Variants in LTA observed in about 807,000 individuals in gnomAD.
LTA encodes the protein lymphotoxin alpha.
A neutral mutation model predicts 15.1 loss-of-function variants in LTA; 6 were observed. The observed-to-expected ratio is 0.40, with a 90% CI of 0.22 to 0.78. The LOEUF (loss-of-function observed/expected upper bound fraction) is 0.78, where lower values mean the gene tolerates loss of function less well. LTA is among the 30% of genes least tolerant of loss of function. The pLI is 0.38. For missense variants in LTA, 173 were observed against 249.5 expected, an observed-to-expected ratio of 0.69 and a Z score of 2.06; for synonymous variants, 87 against 107.3, an observed-to-expected ratio of 0.81 and a Z score of 1.17.
In LTA at chr6:31,573,545, C is replaced by G. The variant is rs758289216; in HGVS notation, c.470C>G (p.Pro157Arg). ...CTCAGCTCCCAGAAGATGGTGTATC[C>G]AGGGCTGCAGGAACCCTGGCTGCAC... is the stretch of plus-strand genomic sequence containing the variant. The part of the protein sequence containing the change: ...PLLSSQKMVY[P>R]GLQEPWLHSM... The change falls in exon 4 of 4, where the codon CCA becomes CGA. Residue 157 changes from proline (P) to arginine (R), a missense_variant. By Grantham distance (103) the Pro-to-Arg change is moderately radical. Coordinates refer to ENST00000418386, the MANE Select transcript of LTA (RefSeq NM_000595.4). 6.2e-7 allele frequency: 1 copy of G among 1,614,086 alleles called. No homozygotes were observed. Among genetic ancestry groups the G allele is most frequent in the South Asian group, 1.1e-5 (1 of 91,082 alleles).
chr6:31,572,953 C>A lies in LTA; in HGVS notation c.125C>A (p.Pro42His). 6.2e-7 allele frequency: 1 copy of A among 1,612,800 alleles called. No homozygotes were observed. Residue 42 changes from proline to histidine, a missense_variant, in exon 3 of 4, where the codon CCT (proline) becomes CAT (histidine). Transcript: ENST00000418386. ...GGGCTCCCTGGTGTTGGCCTCACAC[C>A]TTCAGCTGCCCAGACTGCCCGTCAG... The part of the protein sequence containing the change: ...AQGLPGVGLT[P>H]SAAQTARQHP...
At chr6:31,568,230 C>T (rs542102716), upstream of LTA, among the ~76,000 whole-genome samples, 57 of 152,274 alleles carry the variant, frequency 3.7e-4, no homozygotes, top group African/African-American at 1.3e-3. The surrounding 1 kb of genome is among the most constrained non-coding windows in gnomAD (Gnocchi z 4.1). Context: ...CACGCAGATA[C>T]TCACTAAATG....
At position 31,573,041 on chromosome 6, in the gene LTA, T is replaced by C. The variant is rs1770940150; in HGVS notation, c.205+8T>C. ...CTGCTGCTCACCTCATTGGTAAACATCCACCTGACCTCCCAGACATGTCCC... is the reference window on the plus strand; with the variant it reads ...CTGCTGCTCACCTCATTGGTAAACACCCACCTGACCTCCCAGACATGTCCC... On this transcript the variant is annotated splice_region_variant and intron_variant, in intron 3 of 3. Coordinates refer to ENST00000418386, the MANE Select transcript of LTA (RefSeq NM_000595.4). 6.2e-7 allele frequency: 1 copy of C among 1,606,242 alleles called. No individual in the cohort carries two copies. The highest frequency in any genetic ancestry group is 1.7e-4 in the Middle Eastern group (1 of 6,048).
At position 31,573,825 on chromosome 6, in the gene LTA, T is replaced by TC; in HGVS notation, c.*133dup. ...TTCCAACAGCTCAAGTCTTCCCTGA[T>TC]CAAGTCACCGGAGCTTTCAAAGAAG... On this transcript the variant is annotated 3_prime_UTR_variant, in exon 4 of 4. Coordinates refer to ENST00000418386, the MANE Select transcript of LTA (RefSeq NM_000595.4). 9.3e-7 allele frequency: 1 copy of TC among 1,071,558 alleles called. No homozygotes were observed. The allele number at this position is 1,071,558 out of a possible 1,614,324, so 66.4% of individuals were successfully genotyped here.
In LTA at chr6:31,572,994, C is replaced by T; in HGVS notation, c.166C>T (p.Leu56Phe). 1 of 1,612,834 alleles carries T rather than the reference C, an allele frequency of 6.2e-7. No homozygotes were observed. The highest frequency in any genetic ancestry group is 1.1e-5 in the South Asian group (1 of 91,074). Reference protein sequence around the residue: ...QTARQHPKMHLAHSTLKPAAH... With the variant: ...QTARQHPKMHFAHSTLKPAAH... Reference sequence around the variant, plus strand: ...TGCCCGTCAGCACCCCAAGATGCATCTTGCCCACAGCACCCTCAAACCTGC... The same window carrying T: ...TGCCCGTCAGCACCCCAAGATGCATTTTGCCCACAGCACCCTCAAACCTGC... Residue 56 changes from leucine (L) to phenylalanine (F), a missense_variant, in exon 3 of 4, where the codon CTT becomes TTT. By Grantham distance (22) the Leu-to-Phe change is conservative. Transcript: ENST00000418386.
chr6:31,573,308 T>C lies in LTA; in HGVS notation c.233T>C (p.Leu78Pro). 2 of 1,613,444 alleles carry C rather than the reference T, an allele frequency of 1.2e-6. No individual in the cohort carries two copies. The highest frequency in any genetic ancestry group is 1.7e-6 in the Non-Finnish European group (2 of 1,179,784). Residue 78 changes from leucine (L) to proline (P), a missense_variant, in exon 4 of 4, where the codon CTC becomes CCC. Leu to Pro is a moderately conservative substitution (Grantham distance 98, BLOSUM62 -3). Transcript: ENST00000418386. Reference sequence around the variant, plus strand: ...GACCCCAGCAAGCAGAACTCACTGCTCTGGAGAGCAAACACGGACCGTGCC... The same window carrying C: ...GACCCCAGCAAGCAGAACTCACTGCCCTGGAGAGCAAACACGGACCGTGCC... ...IGDPSKQNSL[L>P]WRANTDRAFL...
chr6:31,570,119 G>T (rs1770756402), upstream of LTA, among the ~76,000 whole-genome samples: 1 of 152,162 alleles, frequency 6.6e-6, no homozygotes, highest in African/African-American at 2.4e-5. Flanking sequence ...TTAAATAAAT[G>T]TATTATGCTT....
At chr6:31,568,542 G>C (rs547507887), upstream of LTA, among the ~76,000 whole-genome samples, 12 of 152,274 alleles carry the variant, frequency 7.9e-5, no homozygotes, top group African/African-American at 2.9e-4. This position sits in a 1 kb window ranked among gnomAD's most constrained non-coding sequence, Gnocchi z 4.1. Context: ...TCCCAATTCA[G>C]GTTTTGAGGC....
chr6:31,567,674 A>G (rs762560462), upstream of LTA, among the ~76,000 whole-genome samples: 120 of 45,538 alleles, frequency 2.6e-3, 1 homozygote, highest in African/African-American at 7.2e-3. Context: ...ACACACACAC[A>G]CACGCACGCA....
chr6:31,572,647 G>C (rs1303881212), intron 1 of LTA, 87 bp from the exon 2 acceptor site: 3 of 805,808 alleles, frequency 3.7e-6, no homozygotes, highest in East Asian at 2.7e-5. Flanking sequence ...GGGTCGGGGG[G>C]TGCTCTCTCC....
chr6:31,566,588 C>T, the LTA span, among the ~76,000 whole-genome samples: 288 of 137,710 alleles, frequency 2.1e-3, 1 homozygote, highest in Middle Eastern at 8.5e-3. Flanking sequence ...TGCAGTGAGC[C>T]GAGATTGTGC....
At chr6:31,572,706 CT>C in intron 1 of LTA, 27 bp from the exon 2 acceptor site, 1 of 461,998 alleles carries the variant, frequency 2.2e-6, no homozygotes, top group Non-Finnish European at 3.2e-6. Context: ...CGCTCACTGT[CT>C]CTCTCTCTCT....
upstream of LTA, among the ~76,000 whole-genome samples, chr6:31,571,147 G>A (rs988082588): frequency 1.3e-5 from 2 of 149,778 alleles, no homozygotes; most frequent in Non-Finnish European, 3.0e-5. Flanking sequence ...TGCAGCCTCC[G>A]CCTCCCAGGT....
upstream of LTA, among the ~76,000 whole-genome samples, chr6:31,568,092 T>G (rs1272878840): frequency 6.6e-6 from 1 of 152,202 alleles, no homozygotes; most frequent in African/African-American, 2.4e-5. This position sits in a 1 kb window ranked among gnomAD's most constrained non-coding sequence, Gnocchi z 4.1. Context: ...AGTACCAATT[T>G]CTTCTTCAGT....
At chr6:31,563,246 A>G in the LTA span, among the ~76,000 whole-genome samples, 2 of 152,204 alleles carry the variant, frequency 1.3e-5, no homozygotes, top group Non-Finnish European at 2.9e-5. Flanking sequence ...GGGATAGAGT[A>G]CAGATAAAAG....
the LTA span, among the ~76,000 whole-genome samples, chr6:31,561,151 A>G: frequency 1.3e-5 from 2 of 152,164 alleles, no homozygotes; most frequent in South Asian, 2.1e-4. Context: ...CCTGAGGGAG[A>G]AGAAGCACAG....
the LTA span, among the ~76,000 whole-genome samples, chr6:31,562,212 T>G: frequency 1.6e-3 from 250 of 152,122 alleles, no homozygotes; most frequent in Non-Finnish European, 1.7e-3. Context: ...GTTCAGGAAC[T>G]AGACGATTAC....
upstream of LTA, among the ~76,000 whole-genome samples, chr6:31,570,223 T>C (rs1045333935): frequency 2.2e-4 from 34 of 152,158 alleles, no homozygotes; most frequent in African/African-American, 8.2e-4. Flanking sequence ...CCTACAGAAA[T>C]AATAGCTAAG....
the LTA span, among the ~76,000 whole-genome samples, chr6:31,566,347 GA>G: frequency 1.2e-4 from 18 of 148,186 alleles, no homozygotes; most frequent in African/African-American, 3.9e-4. Flanking sequence ...CCATCTCTTA[GA>G]AAAAAAAAAC....
Sources: allele counts gnomAD v4.1 joint callset (sites outside exome capture counted in the v4.1 genomes callset), GRCh38; gene constraint gnomAD v4.1.1; non-coding constraint Gnocchi (gnomAD v3.1); transcripts MANE v1.5; gene names NCBI Gene and HGNC (gene_info 2026-07-23, HGNC 2026-07-21).